Variants in NTRK3 observed in about 807,000 individuals in gnomAD.
The protein encoded by NTRK3 is neurotrophic receptor tyrosine kinase 3.
In NTRK3, 24 loss-of-function variants were observed where a neutral mutation model predicts 91.7. That is an observed-to-expected ratio of 0.26 (90% CI 0.19 to 0.37). The LOEUF is 0.37. NTRK3 is among the 10% of genes least tolerant of loss of function. The pLI, the probability that NTRK3 is intolerant of heterozygous loss-of-function variation, is 1.00. For missense variants in NTRK3, 880 were observed against 1,068.9 expected (o/e 0.82, Z 2.46); for synonymous variants, 483 against 404.0 (o/e 1.20, Z -2.34).
chr15:88,119,852 A>G (rs1324354055), intron 13 of NTRK3, among the ~76,000 whole-genome samples: 1 of 152,154 alleles, frequency 6.6e-6, no homozygotes, highest in Non-Finnish European at 1.5e-5. Context: ...GAAAGAAACT[A>G]TTTTACTCAA....
At chr15:88,018,652 G>T (rs1015222185) in intron 14 of NTRK3, among the ~76,000 whole-genome samples, 2 of 152,102 alleles carry the variant, frequency 1.3e-5, no homozygotes, top group South Asian at 2.1e-4. Flanking sequence ...TTTTCTAGCT[G>T]CAAGACTTTA....
At chr15:88,018,060 C>T (rs563825043) in intron 14 of NTRK3, among the ~76,000 whole-genome samples, 19 of 152,186 alleles carry the variant, frequency 1.2e-4, no homozygotes, top group Non-Finnish European at 2.5e-4. Flanking sequence ...CCACCAGCGA[C>T]AGGATAAAAG....
intron 17 of NTRK3, among the ~76,000 whole-genome samples, chr15:87,894,245 A>T (rs1387819119): frequency 1.3e-5 from 2 of 152,218 alleles, no homozygotes; most frequent in Non-Finnish European, 2.9e-5. Context: ...TATGGCTAGC[A>T]GTCACCTTGA....
exon 7 of NTRK3, chr15:88,137,452 C>T (rs2041985299): frequency 1.2e-6 from 2 of 1,614,192 alleles, no homozygotes; most frequent in South Asian, 1.1e-5. Flanking sequence ...GAGCCATCAG[C>T]GTTGATGCAG....
chr15:87,960,516 G>A (rs61352645), intron 14 of NTRK3, among the ~76,000 whole-genome samples: 6,544 of 150,566 alleles, frequency 0.043, 170 homozygotes, highest in African/African-American at 0.073. Flanking sequence ...GCAGAGTTTC[G>A]CTCTCTCACC....
intron 17 of NTRK3, among the ~76,000 whole-genome samples, chr15:87,886,651 C>T (rs1167468585): frequency 1.6e-5 from 2 of 121,984 alleles, no homozygotes; most frequent in Admixed American, 8.7e-5. Flanking sequence ...TGAGTAATGA[C>T]CAAAGAGAAA....
intron 3 of NTRK3, among the ~76,000 whole-genome samples, chr15:88,231,619 C>A (rs555705350): frequency 2.0e-5 from 3 of 152,274 alleles, no homozygotes; most frequent in South Asian, 4.1e-4. Context: ...TCACTCAATG[C>A]GAGCATCCAT....
intron 14 of NTRK3, among the ~76,000 whole-genome samples, chr15:87,975,949 T>C (rs1406077014): frequency 6.6e-6 from 1 of 152,196 alleles, no homozygotes; most frequent in Non-Finnish European, 1.5e-5. Flanking sequence ...TCCTGCTCTA[T>C]GGGAAGAGCA....
chr15:88,062,729 T>C (rs941633652), intron 13 of NTRK3, among the ~76,000 whole-genome samples: 4 of 152,284 alleles, frequency 2.6e-5, no homozygotes, highest in African/African-American at 9.6e-5. Flanking sequence ...GCTTCTCTGC[T>C]ACTCACAGCC....
chr15:88,248,681 A>C (rs1446458734), intron 3 of NTRK3, among the ~76,000 whole-genome samples: 3 of 151,798 alleles, frequency 2.0e-5, no homozygotes, highest in African/African-American at 7.3e-5. Context: ...CCTTCTCTGC[A>C]CTCAGTTTCC....
intron 13 of NTRK3, among the ~76,000 whole-genome samples, chr15:88,109,659 GC>G (rs2051115494): frequency 1.3e-5 from 2 of 152,164 alleles, no homozygotes; most frequent in African/African-American, 2.4e-5. Flanking sequence ...CGTTGGGAAA[GC>G]CCAGGCTGAC....
At chr15:88,130,236 T>A (rs1335792168) in intron 10 of NTRK3, among the ~76,000 whole-genome samples, 1 of 152,208 alleles carries the variant, frequency 6.6e-6, no homozygotes, top group Non-Finnish European at 1.5e-5. Flanking sequence ...TCCATATTGA[T>A]ACAAATAAAC....
intron 14 of NTRK3, among the ~76,000 whole-genome samples, chr15:87,953,403 G>T (rs1483994195): frequency 1.3e-5 from 2 of 152,134 alleles, no homozygotes; most frequent in African/African-American, 4.8e-5. Flanking sequence ...CGTTTTCCTG[G>T]TACTGACAGA....
chr15:88,231,230 TC>T (rs1298809264), intron 3 of NTRK3, among the ~76,000 whole-genome samples: 1 of 152,038 alleles, frequency 6.6e-6, no homozygotes, highest in Non-Finnish European at 1.5e-5. Context: ...CCTTAACACC[TC>T]CAACTCTCAC....
At chr15:88,239,803 C>T (rs1170622363) in intron 3 of NTRK3, among the ~76,000 whole-genome samples, 1 of 152,094 alleles carries the variant, frequency 6.6e-6, no homozygotes, top group African/African-American at 2.4e-5. Context: ...GAATACCACC[C>T]CGCCTCTGAT....
intron 6 of NTRK3, 134 bp downstream of exon 6, chr15:88,147,201 G>A (rs1166280726): frequency 2.9e-5 from 23 of 802,752 alleles, no homozygotes; most frequent in Admixed American, 1.4e-4. Flanking sequence ...GGTACACTCT[G>A]TGTCAACCAA....
intron 14 of NTRK3, among the ~76,000 whole-genome samples, chr15:87,975,653 C>G (rs750758792): frequency 2.0e-5 from 3 of 152,184 alleles, no homozygotes; most frequent in Non-Finnish European, 4.4e-5. Flanking sequence ...GGGTAAATGC[C>G]ATGAGACTTC....
intron 14 of NTRK3, among the ~76,000 whole-genome samples, chr15:88,015,443 G>A (rs2077165868): frequency 6.6e-6 from 1 of 151,992 alleles, no homozygotes; most frequent in African/African-American, 2.4e-5. Context: ...CGGTGGCCTG[G>A]AAGGCCCTTC....
At chr15:88,030,485 G>A (rs1195005622) in intron 14 of NTRK3, among the ~76,000 whole-genome samples, 6 of 152,080 alleles carry the variant, frequency 3.9e-5, no homozygotes, top group East Asian at 1.9e-4. Flanking sequence ...GCAACTGTGC[G>A]GATAACCTGG....
Sources: gnomAD v4.1 joint callset for allele counts (sites outside exome capture counted in the v4.1 genomes callset) on GRCh38, gnomAD v4.1.1 for gene constraint, MANE v1.5 for transcripts, NCBI Gene and HGNC (gene_info 2026-07-23, HGNC 2026-07-21) for gene names.